Variants in CUL4B observed in about 807,000 individuals in gnomAD.
CUL4B encodes cullin-4B.
In CUL4B, 1 loss-of-function variant was observed where a neutral mutation model predicts 69.2. That is an observed-to-expected ratio of 0.01 (90% CI 0.01 to 0.07). CUL4B has a LOEUF of 0.07. Among genes scored for constraint, CUL4B ranks in the 10% least tolerant of loss-of-function variants. The pLI is 1.00. For missense variants in CUL4B, 328 were observed against 638.8 expected (o/e 0.51, Z 5.24); for synonymous variants, 237 against 223.2 (o/e 1.06, Z -0.55).
chrX:120,548,981 C>T (rs182976569), intron 2 of CUL4B, among the ~76,000 whole-genome samples: 25 of 112,240 alleles, frequency 2.2e-4, no homozygotes, highest in Non-Finnish European at 4.1e-4. Context: ...TTCAGATTTC[C>T]GTAAGTTTCC....
rs147191224 is a variant in CUL4B, at chrX:120,532,509, A to G, written c.2352T>C (p.Ile784=). 4 of 1,205,325 alleles carry G rather than the reference A, an allele frequency of 3.3e-6. No individual in the cohort carries two copies. The African/African-American group carries it at 7.0e-5, about 21-fold the overall frequency. ...VLAKNPKGKD[I]EDGDKFICND... is the part of the protein sequence containing the mutation. ...TACAAATGAACTTGTCACCATCTTC[A>G]ATGTCTTTGCCCTTTGGATTTTTCG... is the stretch of plus-strand genomic sequence containing the variant. The change falls in exon 18 of 20, where the codon ATT becomes ATC. Residue 784 remains isoleucine, a synonymous_variant. Coordinates refer to ENST00000371322, the MANE Select transcript of CUL4B (RefSeq NM_001079872.2).
chrX:120,543,068 C>G, intron 8 of CUL4B, 35 bp from the exon 9 acceptor site: 1 of 964,003 alleles, frequency 1.0e-6, no homozygotes, highest in Non-Finnish European at 1.5e-6. Flanking sequence ...GTATTATTGA[C>G]GTTTGACTTC....
At chrX:120,571,489 T>C (rs923716199) in exon 3 of CUL4B, 2 of 111,115 alleles carry the variant, frequency 1.8e-5, no homozygotes, top group African/African-American at 6.6e-5. Flanking sequence ...TCCAACCTGG[T>C]GGAAGAATGG....
At chrX:120,551,085 C>CA (rs1314479929) in intron 2 of CUL4B, among the ~76,000 whole-genome samples, 1 of 111,776 alleles carries the variant, frequency 8.9e-6, no homozygotes, top group Non-Finnish European at 1.9e-5. Context: ...ATCAGGTATT[C>CA]AAAAAACTTA....
Position 120,534,525 on chromosome X carries a change from C to T in CUL4B, c.2222G>A (p.Gly741Glu). 1 of 1,208,777 alleles carries T rather than the reference C, an allele frequency of 8.3e-7. No homozygotes were observed. Among genetic ancestry groups the T allele is most frequent in the Non-Finnish European group, 1.1e-6 (1 of 893,279 alleles). The stretch of plus-strand genomic sequence containing the variant: ...GATCTCTTCTAAACTGAACTCCTCT[C>T]CCTCATTAAACATTAGCAGCACCAG... ...QTLVLLMFNE[G>E]EEFSLEEIKQ... Residue 741 changes from glycine to glutamate, a missense_variant, in exon 17 of 20, where the codon GGA (glycine) becomes GAA (glutamate). Around this residue, in one of 4 missense-constraint regions of CUL4B, gnomAD observed 98 missense variants for 296.8 expected, o/e 0.33. Coordinates refer to ENST00000371322, the MANE Select transcript of CUL4B (RefSeq NM_001079872.2).
intron 2 of CUL4B, among the ~76,000 whole-genome samples, chrX:120,555,178 G>T (rs1924891279): frequency 8.9e-6 from 1 of 112,162 alleles, no homozygotes; most frequent in Admixed American, 9.5e-5. Flanking sequence ...CAAGCTCTAT[G>T]CTCTTGAAAG....
upstream of CUL4B, among the ~76,000 whole-genome samples, chrX:120,566,381 A>ATATG (rs1556253402): frequency 3.2e-5 from 2 of 63,233 alleles, no homozygotes; most frequent in African/African-American, 4.9e-5. Context: ...ATATATATAT[A>ATATG]TATATATATG....
intron 19 of CUL4B, among the ~76,000 whole-genome samples, chrX:120,529,439 A>G (rs919844123): frequency 2.7e-5 from 3 of 111,833 alleles, no homozygotes; most frequent in African/African-American, 9.7e-5. Context: ...TCCAAAGCTC[A>G]TAAGAACCCT....
rs188921315 is a variant in CUL4B at position 120,540,359 on chromosome X, G to A, written c.1636+11C>T. ...TCATTAAACAACTGGAAAAAGGACT[G>A]GAAAACATACCTATAAGTTCAGCTG... On this transcript the variant is annotated intron_variant, in intron 11 of 19. Transcript: ENST00000371322. 8.3e-5 allele frequency: 99 copies of A among 1,198,872 alleles called. 2 individuals carry two copies. The East Asian group carries it at 2.7e-3, about 33-fold the overall frequency.
intron 8 of CUL4B, among the ~76,000 whole-genome samples, 171 bp downstream of exon 8, chrX:120,543,556 T>C (rs1924139499): frequency 9.1e-6 from 1 of 109,799 alleles, no homozygotes; most frequent in Non-Finnish European, 1.9e-5. Context: ...AATCCTTGGA[T>C]GAAAACTAAT....
chrX:120,566,367 A>ATATG (rs1556253143), upstream of CUL4B, among the ~76,000 whole-genome samples: 5 of 57,138 alleles, frequency 8.8e-5, no homozygotes, highest in African/African-American at 2.3e-4. Context: ...ATATATATAT[A>ATATG]TATATATATA....
chrX:120,559,667 C>T (rs1300281419), intron 1 of CUL4B: 8 of 445,388 alleles, frequency 1.8e-5, no homozygotes, highest in African/African-American at 2.6e-5. Flanking sequence ...ACCTGCATTT[C>T]TAGGCATTGG....
intron 17 of CUL4B, among the ~76,000 whole-genome samples, chrX:120,533,046 G>A (rs1923421021): frequency 8.9e-6 from 1 of 112,441 alleles, no homozygotes; most frequent in African/African-American, 3.2e-5. Flanking sequence ...TCCAAAATTT[G>A]ATTCATCATC....
upstream of CUL4B, among the ~76,000 whole-genome samples, chrX:120,565,144 G>C (rs1033165538): frequency 2.7e-5 from 3 of 110,039 alleles, no homozygotes; most frequent in African/African-American, 1.0e-4. Context: ...GGTGCTTGGG[G>C]AATCAAGATG....
chrX:120,527,672 T>C (rs754353328), intron 19 of CUL4B, among the ~76,000 whole-genome samples: 1 of 112,116 alleles, frequency 8.9e-6, no homozygotes, highest in East Asian at 2.8e-4. Flanking sequence ...AGCCTGAAGA[T>C]AATTTTATAC....
chrX:120,572,850 T>A (rs1334585348), intron 2 of CUL4B, among the ~76,000 whole-genome samples: 1 of 111,855 alleles, frequency 8.9e-6, no homozygotes, highest in African/African-American at 3.2e-5. Context: ...TGTTGTTGCT[T>A]TTTTCTCTTA....
intron 2 of CUL4B, among the ~76,000 whole-genome samples, chrX:120,556,623 G>A (rs950340554): frequency 9.1e-6 from 1 of 109,619 alleles, no homozygotes; most frequent in African/African-American, 3.3e-5. Flanking sequence ...CAAGACTGCT[G>A]TAGCCCTGGA....
downstream of CUL4B, among the ~76,000 whole-genome samples, chrX:120,566,642 C>T (rs191729349): frequency 1.8e-4 from 19 of 108,229 alleles, no homozygotes; most frequent in East Asian, 4.4e-3. Flanking sequence ...GGTGATCTGC[C>T]TGCCTCAGCT....
intron 2 of CUL4B, among the ~76,000 whole-genome samples, chrX:120,555,568 G>C (rs909128118): frequency 4.5e-5 from 5 of 111,114 alleles, no homozygotes; most frequent in African/African-American, 1.6e-4. Flanking sequence ...CAGCATCTCA[G>C]TTTGAGTTGC....
Sources: gnomAD v4.1 joint callset for allele counts (sites outside exome capture counted in the v4.1 genomes callset) on GRCh38, gnomAD v4.1.1 for gene constraint, gnomAD v4.1.1 regional missense constraint, MANE v1.5 for transcripts, NCBI Gene and HGNC (gene_info 2026-07-23, HGNC 2026-07-21) for gene names.